USP6: variants seen among roughly 807,000 people sequenced by gnomAD.
USP6 encodes the protein ubiquitin specific peptidase 6.
In USP6, 128 loss-of-function variants were observed where a neutral mutation model predicts 175.7. The observed-to-expected ratio is 0.73, with a 90% CI of 0.63 to 0.84. USP6 has a LOEUF of 0.84. Ranked by LOEUF, USP6 falls within the 40% of genes least tolerant of loss-of-function variation. The pLI is 0.00. For synonymous variants in USP6, 562 were observed against 630.6 expected, an observed-to-expected ratio of 0.89 and a Z score of 1.63; for missense variants, 1,498 against 1,760.3, an observed-to-expected ratio of 0.85 and a Z score of 2.67.
At position 5,142,175 on chromosome 17, in the gene USP6, G is replaced by C. The variant is rs543063684; in HGVS notation, c.1712+34G>C. ...TCTTGAGTCACTGGCCTCTTAACCT[G>C]TGACTTTGATATAAACCCACTATCA... On this transcript the variant is annotated intron_variant, in intron 24 of 37. Transcript: ENST00000574788. 3.1e-6 allele frequency: 5 copies of C among 1,598,238 alleles called. No individual in the cohort carries two copies. The East Asian group carries it at 1.1e-4, about 36-fold the overall frequency.
chr17:5,160,049 G>A (rs1428737124), intron 31 of USP6, among the ~76,000 whole-genome samples: 1 of 152,060 alleles, frequency 6.6e-6, no homozygotes, highest in African/African-American at 2.4e-5. Context: ...GAGCAAAAAG[G>A]TAAAAGAAAT....
intron 14 of USP6, 100 bp downstream of exon 14, chr17:5,133,650 G>GTC: frequency 3.6e-6 from 2 of 556,556 alleles, no homozygotes; most frequent in Non-Finnish European, 7.0e-6. Flanking sequence ...GGGGGGGTGG[G>GTC]AGGGGATGGT....
chr17:5,145,378 GA>G, intron 26 of USP6, 26 bp from the exon 27 acceptor site: 1 of 1,550,318 alleles, frequency 6.5e-7, no homozygotes, highest in Non-Finnish European at 8.7e-7. Context: ...GATTTTGAGA[GA>G]AAATTCTCAT....
intron 2 of USP6, among the ~76,000 whole-genome samples, chr17:5,118,761 C>T (rs992047946): frequency 6.6e-6 from 1 of 152,078 alleles, no homozygotes; most frequent in Admixed American, 6.6e-5. Flanking sequence ...GAGAGGGGAG[C>T]TAGAGAGGGG....
chr17:5,166,418 C>G (rs1199416703), intron 33 of USP6, among the ~76,000 whole-genome samples: 3 of 152,118 alleles, frequency 2.0e-5, no homozygotes, highest in African/African-American at 4.8e-5. Context: ...CCTGAAAACC[C>G]ATGCTAAGCT....
Position 5,146,154 on chromosome 17 carries a change from G to C in USP6, c.2299G>C (p.Val767Leu). Residue 767 changes from valine (V) to leucine (L), a missense_variant, in exon 28 of 38, where the codon GTA becomes CTA. Val to Leu is a conservative substitution (Grantham distance 32). Transcript: ENST00000574788. ...TTCAGAACAAATCCTACTAGCAGAA[G>C]TACATGATTCCAACATAAAGGTAAT... ...LNSEQILLAE[V>L]HDSNIKNFPQ... The C allele has an allele frequency of 1.2e-6, 2 of 1,610,228 alleles. No homozygotes were observed. The highest frequency in any genetic ancestry group is 1.7e-6 in the Non-Finnish European group (2 of 1,178,242).
chr17:5,155,353 G>A, intron 30 of USP6, 69 bp from the exon 31 acceptor site: 1 of 1,555,716 alleles, frequency 6.4e-7, no homozygotes, highest in South Asian at 1.2e-5. Flanking sequence ...CATTGGCAGA[G>A]TTAGAAGAAC....
intron 2 of USP6, among the ~76,000 whole-genome samples, chr17:5,119,890 A>C (rs1379234719): frequency 1.3e-5 from 2 of 152,098 alleles, no homozygotes; most frequent in South Asian, 2.1e-4. Context: ...CTACGGCTGC[A>C]CAGGGACCCC....
rs1025466756 is a variant in USP6 at position 5,132,600 on chromosome 17, G to A, written c.195+165G>A. On this transcript the variant is annotated intron_variant, in intron 12 of 37. Coordinates refer to ENST00000574788, the MANE Select transcript of USP6 (RefSeq NM_001304284.2). The surrounding 1 kb of genome is among the most constrained non-coding windows in gnomAD (Gnocchi z 4.7). Reference sequence around the variant, plus strand: ...ACCCCAAGTTGCTGTAACTTTGGCAGTTTGATAAAATTCCAAAGTGAGAAC... The same window carrying A: ...ACCCCAAGTTGCTGTAACTTTGGCAATTTGATAAAATTCCAAAGTGAGAAC... 1.3e-5 allele frequency among the ~76,000 whole-genome samples: 2 copies of A among 152,202 alleles called. No individual in the cohort carries two copies. The highest frequency in any genetic ancestry group is 4.8e-5 in the African/African-American group (2 of 41,450).
At chr17:5,117,746 C>G (rs1002113373) in intron 1 of USP6, among the ~76,000 whole-genome samples, 3 of 151,836 alleles carry the variant, frequency 2.0e-5, no homozygotes, top group Non-Finnish European at 4.4e-5. Context: ...TAGGAGGCTG[C>G]GATAATAGTA....
At chr17:5,117,284 G>A (rs4318270) in intron 1 of USP6, among the ~76,000 whole-genome samples, 75,665 of 151,956 alleles carry the variant, frequency 0.5, 21,013 homozygotes, top group Non-Finnish European at 0.64. Context: ...TTGGGAGGCC[G>A]AGGCGGGTGG....
At chr17:5,151,938 T>G (rs1334883453) in intron 30 of USP6, among the ~76,000 whole-genome samples, 1 of 152,114 alleles carries the variant, frequency 6.6e-6, no homozygotes, top group Admixed American at 6.6e-5. Flanking sequence ...AAATTGCACT[T>G]CATTAAAATT....
chr17:5,124,692 G>C lies in USP6; in HGVS notation c.-1172G>C, dbSNP rs1037526983. ...CTTGGACTGACACTCATGACCTCCAGTACTGTGAGACAGTAACATTCTGTT... is the reference window on the plus strand; with the variant it reads ...CTTGGACTGACACTCATGACCTCCACTACTGTGAGACAGTAACATTCTGTT... On this transcript the variant is annotated 5_prime_UTR_variant, in exon 5 of 38. Transcript: ENST00000574788. 1 of 152,226 alleles carries C rather than the reference G, an allele frequency of 6.6e-6. No homozygotes were observed. Among genetic ancestry groups the C allele is most frequent in the African/African-American group, 2.4e-5 (1 of 41,416 alleles). The allele number at this position is 152,226 out of a possible 1,614,324, so 9.4% of individuals were successfully genotyped here.
intron 30 of USP6, among the ~76,000 whole-genome samples, chr17:5,150,975 TCTC>T: frequency 1.3e-5 from 2 of 152,254 alleles, no homozygotes; most frequent in African/African-American, 4.8e-5. Context: ...CACATGGCCT[TCTC>T]CTTCTCTCTG....
chr17:5,143,887 C>T (rs1263745471), intron 25 of USP6, among the ~76,000 whole-genome samples: 1 of 152,076 alleles, frequency 6.6e-6, no homozygotes, highest in Non-Finnish European at 1.5e-5. Context: ...GATCGCACCA[C>T]TGCACTCCAG....
chr17:5,137,621 C>T, intron 19 of USP6, 30 bp from the exon 20 acceptor site: 1 of 1,596,664 alleles, frequency 6.3e-7, no homozygotes, highest in Non-Finnish European at 8.5e-7. Flanking sequence ...CTGGAAGGGC[C>T]AGGTTCTCTC....
rs2073914662 is a variant in USP6, at chr17:5,157,738, C to G, written c.2828+2132C>G. ...CTCTGCCTCCCAGGTTCAAGCAATTCTTCTGCCTCAGCCTCCCGAGTAGCT... is the reference window on the plus strand; with the variant it reads ...CTCTGCCTCCCAGGTTCAAGCAATTGTTCTGCCTCAGCCTCCCGAGTAGCT... On this transcript the variant is annotated intron_variant, in intron 31 of 37. Transcript: ENST00000574788. Among the ~76,000 whole-genome samples the G allele has an allele frequency of 2.6e-5, 4 of 152,246 alleles. No individual in the cohort carries two copies. In the South Asian group the frequency reaches 8.3e-4, roughly 32 times the overall value.
rs776541968 is a variant in USP6 at position 5,162,876 on chromosome 17, C to A, written c.2916-8C>A. The stretch of plus-strand genomic sequence containing the variant: ...TTCTTCCTCTGTGGATCTTTCCCCC[C>A]TTTTTAGATTTTGCAGAGGCTGTAA... On this transcript the variant is annotated splice_polypyrimidine_tract_variant and splice_region_variant and intron_variant, in intron 32 of 37. Coordinates refer to ENST00000574788, the MANE Select transcript of USP6 (RefSeq NM_001304284.2). The A allele has an allele frequency of 1.3e-6, 2 of 1,591,390 alleles. No homozygotes were observed. Among genetic ancestry groups the A allele is most frequent in the Non-Finnish European group, 1.7e-6 (2 of 1,174,986 alleles).
rs781005673 is a variant in USP6, at chr17:5,139,334, GCAGGCCCCTC to G, written c.1166_1175del (p.Pro389HisfsTer72). 32 of 1,612,086 alleles carry G rather than the reference GCAGGCCCCTC, an allele frequency of 2.0e-5. No homozygotes were observed. The highest frequency in any genetic ancestry group is 4.0e-5 in the African/African-American group (3 of 74,930). On this transcript the variant is annotated frameshift_variant, in exon 22 of 38. Coordinates refer to ENST00000574788, the MANE Select transcript of USP6 (RefSeq NM_001304284.2). LOFTEE classifies it high-confidence loss of function. ...GGAAGACCCTCTGCAAGGGGTATAG[GCAGGCCCCTC>G]CAGGCCCACCAGCCCAGTTCCAGCG...
Sources: gnomAD v4.1 joint callset for allele counts (sites outside exome capture counted in the v4.1 genomes callset) on GRCh38, gnomAD v4.1.1 for gene constraint, Gnocchi (gnomAD v3.1) non-coding constraint, MANE v1.5 for transcripts, NCBI Gene and HGNC (gene_info 2026-07-23, HGNC 2026-07-21) for gene names.